Variants in MCAM observed in about 807,000 individuals in gnomAD.
MCAM encodes cell surface glycoprotein MUC18.
A neutral mutation model predicts 79.1 loss-of-function variants in MCAM; 55 were observed. The observed-to-expected ratio is 0.70, with a 90% CI of 0.56 to 0.87. The LOEUF (loss-of-function observed/expected upper bound fraction) is 0.87, where lower values mean the gene tolerates loss of function less well. MCAM is among the 40% of genes least tolerant of loss of function. MCAM has a pLI of 0.00. For synonymous variants in MCAM, 330 were observed against 339.8 expected (o/e 0.97, Z 0.32); for missense variants, 745 against 839.8 (o/e 0.89, Z 1.40).
Position 119,309,845 on chromosome 11 carries a change from G to A in MCAM, c.*41C>T, listed in dbSNP as rs753845862. On this transcript the variant is annotated 3_prime_UTR_variant, in exon 16 of 16. Transcript: ENST00000264036. ...TGAGAGAAGAGTGAGCAGGGAGCTG[G>A]GAATGGTCCAGGCAGGGAAGGGAGC... 3 of 1,575,172 alleles carry A rather than the reference G, an allele frequency of 1.9e-6. No individual in the cohort carries two copies. In the African/African-American group the frequency reaches 4.0e-5, roughly 21 times the overall value.
Position 119,311,575 on chromosome 11 carries a change from C to T in MCAM, c.1362G>A (p.Ala454=), listed in dbSNP as rs202027486. 78 of 1,613,998 alleles carry T rather than the reference C, an allele frequency of 4.8e-5. No homozygotes were observed. Among genetic ancestry groups the T allele is most frequent in the Non-Finnish European group, 6.3e-5 (74 of 1,180,034 alleles). Residue 454 remains alanine, a synonymous_variant, in exon 11 of 16, where the codon GCG becomes GCA. Coordinates refer to ENST00000264036, the MANE Select transcript of MCAM (RefSeq NM_006500.3). The surrounding 1 kb of genome is among the most constrained non-coding windows in gnomAD (Gnocchi z 4.4). ...AGATGGTGGGCCGGGGGTGCCCTGA[C>T]GCTTCACAAGACAGATTCAACACCA... ...ENMVLNLSCE[A]SGHPRPTISW...
In MCAM at chr11:119,311,143, C is replaced by A. The variant is rs1419447133; in HGVS notation, c.1592G>T (p.Gly531Val). 6.2e-7 allele frequency: 1 copy of A among 1,614,032 alleles called. No homozygotes were observed. Among genetic ancestry groups the A allele is most frequent in the African/African-American group, 1.3e-5 (1 of 74,910 alleles). ...AGGACTGGCAGTGGAAGTGCTGAGG[C>A]CAGTGGTTGTGTTGGAGTCTGGTGT... ...TLTPDSNTTT[G>V]LSTSTASPHT... The change falls in exon 13 of 16, where the codon GGC (glycine) becomes GTC (valine). Residue 531 changes from glycine (G) to valine (V), a missense_variant. By Grantham distance (109) the Gly-to-Val change is moderately radical. Transcript: ENST00000264036. The surrounding 1 kb of genome is among the most constrained non-coding windows in gnomAD (Gnocchi z 4.4).
In MCAM at chr11:119,311,745, C is replaced by T. The variant is rs1950236986; in HGVS notation, c.1285+63G>A. The T allele has an allele frequency of 6.2e-7, 1 of 1,607,246 alleles. No homozygotes were observed. Among genetic ancestry groups the T allele is most frequent in the South Asian group, 1.1e-5 (1 of 90,662 alleles). ...CCCAGGGCAGCAGGTGGCTTTTTGT[C>T]AAAGAGCTTAAAAACCACCCCACTT... On this transcript the variant is annotated intron_variant, in intron 10 of 15. Coordinates refer to ENST00000264036, the MANE Select transcript of MCAM (RefSeq NM_006500.3). The surrounding 1 kb of genome is among the most constrained non-coding windows in gnomAD (Gnocchi z 4.4).
chr11:119,313,108 C>A (rs914450407), intron 5 of MCAM, 159 bp from the exon 6 acceptor site: 4 of 1,536,628 alleles, frequency 2.6e-6, no homozygotes, highest in African/African-American at 2.7e-5. Flanking sequence ...CAACCCAGCA[C>A]TTTTACTGCT....
At position 119,317,107 on chromosome 11, in the gene MCAM, C is replaced by A; in HGVS notation, c.-6G>T. The A allele has an allele frequency of 6.6e-7, 1 of 1,523,738 alleles. No homozygotes were observed. The allele number at this position is 1,523,738 out of a possible 1,614,324, so 94.4% of individuals were successfully genotyped here. On this transcript the variant is annotated 5_prime_UTR_variant, in exon 1 of 16. Transcript: ENST00000264036. This position sits in a 1 kb window ranked among gnomAD's most constrained non-coding sequence, Gnocchi z 6.2. The stretch of plus-strand genomic sequence containing the variant: ...ACCAGCCTGGGAAGCCCCATGCTTC[C>A]CGGCCGGAGGGCGAGAGCCAAGTGA...
chr11:119,310,436 A>G lies in MCAM; in HGVS notation c.1824T>C (p.Leu608=), dbSNP rs750156573. 6.2e-7 allele frequency: 1 copy of G among 1,613,484 alleles called. No individual in the cohort carries two copies. Among genetic ancestry groups the G allele is most frequent in the Non-Finnish European group, 8.5e-7 (1 of 1,179,664 alleles). ...ITLPPSRKSE[L]VVEVKSDKLP... is the part of the protein sequence containing the mutation. ...GCTTATCTGACTTAACTTCAACTAC[A>G]AGTTCGCTCTTACGAGACGGGGGTA... The change falls in exon 15 of 16, where the codon CTT becomes CTC. Residue 608 remains leucine (L), a synonymous_variant. Coordinates refer to ENST00000264036, the MANE Select transcript of MCAM (RefSeq NM_006500.3).
In MCAM at chr11:119,310,766, T is replaced by G; in HGVS notation, c.1783A>C (p.Lys595Gln). 5 of 1,613,956 alleles carry G rather than the reference T, an allele frequency of 3.1e-6. No individual in the cohort carries two copies. The highest frequency in any genetic ancestry group is 4.2e-6 in the Non-Finnish European group (5 of 1,180,000). Residue 595 changes from lysine (K) to glutamine (Q), a missense_variant, in exon 14 of 16, where the codon AAG (lysine) becomes CAG (glutamine). Coordinates refer to ENST00000264036, the MANE Select transcript of MCAM (RefSeq NM_006500.3). ...CGGTGTTGGGCTTACATCTCCTGCT[T>G]CCCTGAGCGCCTGCACGGCAGCTTG... Reference protein sequence around the residue: ...KGKLPCRRSGKQEITLPPSRK... With the variant: ...KGKLPCRRSGQQEITLPPSRK...
chr11:119,312,321 C>CG lies in MCAM; in HGVS notation c.968_969insC (p.Asp324GlyfsTer11). ...GCAGCGATATCATGGTGTCCAAGTC[C>CG]AGGCCCTGACATTCATAGCGCCCAC... is the stretch of plus-strand genomic sequence containing the variant. On this transcript the variant is annotated frameshift_variant, in exon 8 of 16. Transcript: ENST00000264036. LOFTEE classifies it high-confidence loss of function. This position sits in a 1 kb window ranked among gnomAD's most constrained non-coding sequence, Gnocchi z 4.9. 6.2e-7 allele frequency: 1 copy of CG among 1,614,094 alleles called. No homozygotes were observed. The highest frequency in any genetic ancestry group is 8.5e-7 in the Non-Finnish European group (1 of 1,180,000).
Position 119,312,317 on chromosome 11 carries a change from A to G in MCAM, c.973T>C (p.Leu325=). 6.2e-7 allele frequency: 1 copy of G among 1,614,012 alleles called. No individual in the cohort carries two copies. Residue 325 remains leucine, a synonymous_variant, in exon 8 of 16, where the codon TTG becomes CTG. Coordinates refer to ENST00000264036, the MANE Select transcript of MCAM (RefSeq NM_006500.3). The surrounding 1 kb of genome is among the most constrained non-coding windows in gnomAD (Gnocchi z 4.9). ...SGRYECQGLD[L]DTMISLLSEP... is the part of the protein sequence containing the mutation. ...CTCAGCAGCGATATCATGGTGTCCAAGTCCAGGCCCTGACATTCATAGCGC... is the reference window on the plus strand; with the variant it reads ...CTCAGCAGCGATATCATGGTGTCCAGGTCCAGGCCCTGACATTCATAGCGC...
At position 119,312,212 on chromosome 11, in the gene MCAM, C is replaced by T. The variant is rs369646764; in HGVS notation, c.1025-42G>A. ...CATGTCACCCAGGGCAGGGTGGGGCCAGTTCCCTATTGCCCCAGCCTGGTC... is the reference window on the plus strand; with the variant it reads ...CATGTCACCCAGGGCAGGGTGGGGCTAGTTCCCTATTGCCCCAGCCTGGTC... On this transcript the variant is annotated intron_variant, in intron 8 of 15. Coordinates refer to ENST00000264036, the MANE Select transcript of MCAM (RefSeq NM_006500.3). The surrounding 1 kb of genome is among the most constrained non-coding windows in gnomAD (Gnocchi z 4.9). 2.5e-6 allele frequency: 4 copies of T among 1,611,098 alleles called. No homozygotes were observed. Among genetic ancestry groups the T allele is most frequent in the Non-Finnish European group, 3.4e-6 (4 of 1,177,994 alleles).
In MCAM at chr11:119,311,135, T is replaced by C. The variant is rs1226423770; in HGVS notation, c.1600A>G (p.Thr534Ala). The change falls in exon 13 of 16, where the codon ACT becomes GCT. Residue 534 changes from threonine (T) to alanine (A), a missense_variant. Coordinates refer to ENST00000264036, the MANE Select transcript of MCAM (RefSeq NM_006500.3). The surrounding 1 kb of genome is among the most constrained non-coding windows in gnomAD (Gnocchi z 4.4). ...CTGGTATGAGGACTGGCAGTGGAAG[T>C]GCTGAGGCCAGTGGTTGTGTTGGAG... ...PDSNTTTGLS[T>A]STASPHTRAN... is the part of the protein sequence containing the mutation. 1.6e-5 allele frequency: 26 copies of C among 1,614,052 alleles called. No homozygotes were observed. Among genetic ancestry groups the C allele is most frequent in the Non-Finnish European group, 2.0e-5 (24 of 1,180,026 alleles).
intron 14 of MCAM, 34 bp downstream of exon 14, chr11:119,310,722 C>CGGGCGG: frequency 6.2e-7 from 1 of 1,600,632 alleles, no homozygotes; most frequent in East Asian, 2.2e-5. Flanking sequence ...GGTGGCAAAA[C>CGGGCGG]GGGCGGGGGC....
chr11:119,315,298 C>T lies in MCAM; in HGVS notation c.68-35G>A, dbSNP rs1426284557. 2 of 1,589,730 alleles carry T rather than the reference C, an allele frequency of 1.3e-6. No individual in the cohort carries two copies. Among genetic ancestry groups the T allele is most frequent in the African/African-American group, 2.7e-5 (2 of 74,596 alleles). On this transcript the variant is annotated intron_variant, in intron 1 of 15. Coordinates refer to ENST00000264036, the MANE Select transcript of MCAM (RefSeq NM_006500.3). This position sits in a 1 kb window ranked among gnomAD's most constrained non-coding sequence, Gnocchi z 4.4. ...GGAGGCGGGGCCCCCGCAGCTGTGT[C>T]AGCTCCGGCTGCTGTCCGCCCCTCC...
rs1950175663 is a variant in MCAM at position 119,308,647 on chromosome 11, C to G, written c.*1239G>C. On this transcript the variant is annotated 3_prime_UTR_variant, in exon 16 of 16. Transcript: ENST00000264036. ...CACACCTGACAAAACCATATATACACACATATGTATGCATACACACAGACA... is the reference window on the plus strand; with the variant it reads ...CACACCTGACAAAACCATATATACAGACATATGTATGCATACACACAGACA... The G allele has an allele frequency of 6.6e-6, 1 of 151,870 alleles. No homozygotes were observed. Among genetic ancestry groups the G allele is most frequent in the Admixed American group, 6.6e-5 (1 of 15,230 alleles). 9.4% of individuals were successfully genotyped at this position (151,870 alleles called of 1,614,324 possible).
rs138818211 is a variant in MCAM at position 119,311,866 on chromosome 11, C to T, written c.1227G>A (p.Ala409=). 1,624 of 1,614,134 alleles carry T rather than the reference C, an allele frequency of 1.0e-3. 4 individuals are homozygous for T. In the Middle Eastern group the frequency reaches 0.015, roughly 15 times the overall value. The change falls in exon 10 of 16, where the codon GCG becomes GCA. Residue 409 remains alanine, a synonymous_variant. Transcript: ENST00000264036. This position sits in a 1 kb window ranked among gnomAD's most constrained non-coding sequence, Gnocchi z 4.4. The part of the protein sequence containing the change: ...REAGGGYRCV[A]SVPSIPGLNR... ...TCAGGCCGGGTATGCTGGGCACAGA[C>T]GCCACGCAGCGATAGCCGCCTCCTG...
At position 119,310,409 on chromosome 11, in the gene MCAM, G is replaced by A. The variant is rs1295818138; in HGVS notation, c.1851C>T (p.Leu617=). 4.3e-6 allele frequency: 7 copies of A among 1,614,036 alleles called. No individual in the cohort carries two copies. The highest frequency in any genetic ancestry group is 5.1e-6 in the Non-Finnish European group (6 of 1,180,032). Residue 617 remains leucine (L), a synonymous_variant, in exon 15 of 16, where the codon CTC becomes CTT. Transcript: ENST00000264036. ...CCTGCAGGAGGCCCATCTCTTCTGG[G>A]AGCTTATCTGACTTAACTTCAACTA... The part of the protein sequence containing the change: ...ELVVEVKSDK[L]PEEMGLLQGS...
Position 119,315,393 on chromosome 11 carries a change from G to A in MCAM, c.68-130C>T. 1 of 1,222,072 alleles carries A rather than the reference G, an allele frequency of 8.2e-7. No individual in the cohort carries two copies. Among genetic ancestry groups the A allele is most frequent in the Non-Finnish European group, 1.1e-6 (1 of 890,944 alleles). The allele number at this position is 1,222,072 out of a possible 1,614,324, so 75.7% of individuals were successfully genotyped here. A position where few individuals can be genotyped will look rare whatever the true frequency, so the allele number is the denominator to read the frequency against. On this transcript the variant is annotated intron_variant, in intron 1 of 15. Coordinates refer to ENST00000264036, the MANE Select transcript of MCAM (RefSeq NM_006500.3). The surrounding 1 kb of genome is among the most constrained non-coding windows in gnomAD (Gnocchi z 4.4). Reference sequence around the variant, plus strand: ...CTGCAGAGGGCCCTGTCCTCTGAACGCTCTACCCCCACCCCGACCCGCGCC... The same window carrying A: ...CTGCAGAGGGCCCTGTCCTCTGAACACTCTACCCCCACCCCGACCCGCGCC...
Position 119,311,307 on chromosome 11 carries a change from T to C in MCAM, c.1522A>G (p.Asn508Asp). The change falls in exon 12 of 16, where the codon AAC (asparagine) becomes GAC (aspartate). Residue 508 changes from asparagine (N) to aspartate (D), a missense_variant. Transcript: ENST00000264036. This position sits in a 1 kb window ranked among gnomAD's most constrained non-coding sequence, Gnocchi z 4.4. ...AGCTCCAGGAAGAGGATGCTGGTGT[T>C]TTTGCCCAGGTCGTTGGAGGCCGTG... ...ECTASNDLGKNTSILFLELVN... is the reference protein window; with the variant it reads ...ECTASNDLGKDTSILFLELVN... The C allele has an allele frequency of 6.2e-7, 1 of 1,613,966 alleles. No homozygotes were observed. The highest frequency in any genetic ancestry group is 2.2e-5 in the East Asian group (1 of 44,884).
At chr11:119,313,573 G>A (rs1950266381) in intron 5 of MCAM, 1 of 313,720 alleles carries the variant, frequency 3.2e-6, no homozygotes, top group Non-Finnish European at 6.2e-6. Flanking sequence ...GGCTACTTTT[G>A]TATTTTCAGT....
Sources: allele counts gnomAD v4.1 joint callset, GRCh38; gene constraint gnomAD v4.1.1; non-coding constraint Gnocchi (gnomAD v3.1); transcripts MANE v1.5; gene names NCBI Gene and HGNC (gene_info 2026-07-23, HGNC 2026-07-21).